LRRC4C: variants seen among roughly 807,000 people sequenced by gnomAD.
The protein encoded by LRRC4C is leucine-rich repeat-containing protein 4C.
Under a neutral mutation model 33.6 loss-of-function variants are expected in LRRC4C, and 5 were observed. That is an observed-to-expected ratio of 0.15 (90% CI 0.08 to 0.31). LRRC4C has a LOEUF of 0.31. Ranked by LOEUF, LRRC4C falls within the 10% of genes least tolerant of loss-of-function variation. LRRC4C has a pLI of 1.00. For missense variants in LRRC4C, 560 were observed against 796.7 expected, an observed-to-expected ratio of 0.70 and a Z score of 3.58; for synonymous variants, 329 against 302.0, an observed-to-expected ratio of 1.09 and a Z score of -0.93.
At chr11:41,332,259 T>C (rs1951318562) in intron 1 of LRRC4C, among the ~76,000 whole-genome samples, 1 of 152,228 alleles carries the variant, frequency 6.6e-6, no homozygotes, top group Non-Finnish European at 1.5e-5. Flanking sequence ...TTAACAAACA[T>C]ATACAATTTT....
chr11:40,437,275 C>T (rs1486014306), intron 3 of LRRC4C, among the ~76,000 whole-genome samples: 3 of 152,198 alleles, frequency 2.0e-5, no homozygotes, highest in Non-Finnish European at 2.9e-5. Flanking sequence ...TTGCAGATTG[C>T]ACTACTCTGT....
intron 4 of LRRC4C, among the ~76,000 whole-genome samples, chr11:40,259,103 C>G (rs918031769): frequency 3.3e-5 from 5 of 152,160 alleles, no homozygotes; most frequent in Non-Finnish European, 7.3e-5. Flanking sequence ...AGACTCACAG[C>G]TACTAGTGGA....
chr11:41,161,630 A>C (rs1178553321), intron 1 of LRRC4C, among the ~76,000 whole-genome samples: 1 of 152,190 alleles, frequency 6.6e-6, no homozygotes, highest in Middle Eastern at 3.2e-3. Context: ...GTTACTGTTT[A>C]CTGAAATCCT....
At chr11:41,283,162 A>T (rs1949722571) in intron 1 of LRRC4C, among the ~76,000 whole-genome samples, 1 of 152,214 alleles carries the variant, frequency 6.6e-6, no homozygotes, top group African/African-American at 2.4e-5. Context: ...ATCACAAAAT[A>T]TCATTACAGC....
intron 1 of LRRC4C, among the ~76,000 whole-genome samples, chr11:41,289,458 A>T (rs2136995012): frequency 6.6e-6 from 1 of 152,322 alleles, no homozygotes; most frequent in East Asian, 1.9e-4. Context: ...ACCTTTAGGA[A>T]GGTAAGTAAG....
chr11:40,908,200 T>G (rs1364814587), intron 2 of LRRC4C, among the ~76,000 whole-genome samples: 2 of 152,074 alleles, frequency 1.3e-5, no homozygotes, highest in East Asian at 1.9e-4. Context: ...ACATAAATTG[T>G]GAAGAAGCCA....
intron 1 of LRRC4C, among the ~76,000 whole-genome samples, chr11:41,208,118 G>A (rs1344161057): frequency 1.3e-5 from 2 of 152,138 alleles, no homozygotes; most frequent in East Asian, 3.9e-4. Context: ...AACATTAAAG[G>A]TGCTTCTGGG....
intron 5 of LRRC4C, among the ~76,000 whole-genome samples, chr11:40,207,623 G>T (rs1863258217): frequency 6.6e-6 from 1 of 152,128 alleles, no homozygotes; most frequent in Non-Finnish European, 1.5e-5. Context: ...AAATAGGAGA[G>T]TCAAGGGATG....
rs953112504 is a variant in LRRC4C at position 40,400,224 on chromosome 11, C to T, written c.-269-80503G>A. On this transcript the variant is annotated intron_variant, in intron 3 of 6. Coordinates refer to ENST00000528697, the MANE Select transcript of LRRC4C (RefSeq NM_001258419.2). ...CACACACAGAGGTTTCTCTATCACTCGGATGCGGTTGCAGCATAGGCTGCA... is the reference window on the plus strand; with the variant it reads ...CACACACAGAGGTTTCTCTATCACTTGGATGCGGTTGCAGCATAGGCTGCA... 5.3e-5 allele frequency among the ~76,000 whole-genome samples: 8 copies of T among 152,186 alleles called. No homozygotes were observed. The East Asian group carries it at 7.7e-4, about 15-fold the overall frequency.
intron 3 of LRRC4C, among the ~76,000 whole-genome samples, chr11:40,591,336 C>T (rs183226731): frequency 3.0e-3 from 453 of 152,294 alleles, no homozygotes; most frequent in Non-Finnish European, 4.3e-3. Flanking sequence ...CCTGCTTCAG[C>T]TGGTGCACGG....
In LRRC4C at chr11:40,301,224, C is replaced by A. The variant is rs370311161; in HGVS notation, c.-176+18404G>T. Among the ~76,000 whole-genome samples the A allele has an allele frequency of 3.9e-5, 6 of 152,284 alleles. No individual in the cohort carries two copies. In the South Asian group the frequency reaches 8.3e-4, roughly 21 times the overall value. ...AACAACGGTATGACAATTTGGCAAC[C>A]ACTTCTGAATGGCCTTCAACTCAGT... On this transcript the variant is annotated intron_variant, in intron 4 of 6. Transcript: ENST00000528697.
At chr11:40,555,961 T>C (rs1298149700) in intron 3 of LRRC4C, among the ~76,000 whole-genome samples, 2 of 152,178 alleles carry the variant, frequency 1.3e-5, no homozygotes, top group Non-Finnish European at 2.9e-5. Flanking sequence ...TTAAAATTAT[T>C]TCAGAACCAA....
chr11:40,418,504 T>C (rs11600872), intron 3 of LRRC4C, among the ~76,000 whole-genome samples: 10,894 of 152,306 alleles, frequency 0.072, 477 homozygotes, highest in Middle Eastern at 0.16. Flanking sequence ...ACTTTTACAT[T>C]GTTGGTGGGA....
At chr11:40,889,478 C>T (rs144164855) in intron 2 of LRRC4C, among the ~76,000 whole-genome samples, 112 of 152,086 alleles carry the variant, frequency 7.4e-4, no homozygotes, top group Middle Eastern at 3.4e-3. Context: ...ATACCATTAA[C>T]AGGTATTCCT....
At chr11:40,236,620 A>AGG (rs1326706471) in intron 5 of LRRC4C, among the ~76,000 whole-genome samples, 2 of 152,230 alleles carry the variant, frequency 1.3e-5, no homozygotes, top group East Asian at 3.9e-4. Flanking sequence ...GGCAGAAAAA[A>AGG]GGTCCCTGAG....
chr11:40,527,824 C>A (rs974170699), intron 3 of LRRC4C, among the ~76,000 whole-genome samples: 4 of 151,922 alleles, frequency 2.6e-5, no homozygotes, highest in Non-Finnish European at 5.9e-5. Context: ...TCTCGGCTCA[C>A]CACAACCTCC....
intron 1 of LRRC4C, among the ~76,000 whole-genome samples, chr11:41,158,009 T>C (rs946851337): frequency 6.6e-6 from 1 of 152,096 alleles, no homozygotes; most frequent in African/African-American, 2.4e-5. Context: ...TATTTTTGAT[T>C]TTTATTTATT....
chr11:41,186,212 G>A (rs747600976), intron 1 of LRRC4C, among the ~76,000 whole-genome samples: 6 of 152,092 alleles, frequency 3.9e-5, no homozygotes, highest in Non-Finnish European at 7.4e-5. Context: ...AGTAAAATCA[G>A]TAAATGCACA....
At chr11:41,410,443 G>A (rs905048673) in intron 1 of LRRC4C, among the ~76,000 whole-genome samples, 1 of 136,698 alleles carries the variant, frequency 7.3e-6, no homozygotes, top group Non-Finnish European at 1.5e-5. Flanking sequence ...ACGTTGTTTC[G>A]CTCTGTCACC....
Sources: allele counts gnomAD v4.1 joint callset (sites outside exome capture counted in the v4.1 genomes callset), GRCh38; gene constraint gnomAD v4.1.1; transcripts MANE v1.5; gene names NCBI Gene and HGNC (gene_info 2026-07-23, HGNC 2026-07-21).